Variants in CYFIP1 observed in about 807,000 individuals in gnomAD.
CYFIP1 encodes cytoplasmic FMR1-interacting protein 1.
A neutral mutation model predicts 163.5 loss-of-function variants in CYFIP1; 58 were observed. That is an observed-to-expected ratio of 0.35 (90% CI 0.29 to 0.44). CYFIP1 has a LOEUF of 0.44. CYFIP1 is among the 20% of genes least tolerant of loss of function. The pLI is 1.00. For missense variants in CYFIP1, 1,338 were observed against 1,653.8 expected, an observed-to-expected ratio of 0.81 and a Z score of 3.31; for synonymous variants, 663 against 660.7, an observed-to-expected ratio of 1.00 and a Z score of -0.05.
At chr15:22,893,300 G>T (rs2060131800) in intron 22 of CYFIP1, among the ~76,000 whole-genome samples, 1 of 152,152 alleles carries the variant, frequency 6.6e-6, no homozygotes, top group Non-Finnish European at 1.5e-5. Flanking sequence ...AGGACGGTGG[G>T]GCAGCTGCCT....
chr15:22,960,948 G>A (rs1352085016), intron 1 of CYFIP1, among the ~76,000 whole-genome samples: 1 of 151,674 alleles, frequency 6.6e-6, no homozygotes, highest in South Asian at 2.1e-4. Context: ...AGAATCCAGG[G>A]GTCACTTCTG....
chr15:22,926,233 C>T lies in CYFIP1; in HGVS notation c.1234-126G>A, dbSNP rs1046766521. Reference sequence around the variant, plus strand: ...AACCTTTGCTGCATTCTGAAAGTCACACATGAGGGCGCACACACCGTCCAT... The same window carrying T: ...AACCTTTGCTGCATTCTGAAAGTCATACATGAGGGCGCACACACCGTCCAT... On this transcript the variant is annotated intron_variant, in intron 12 of 30. Coordinates refer to ENST00000617928, the MANE Select transcript of CYFIP1 (RefSeq NM_014608.6). 1.6e-5 allele frequency: 22 copies of T among 1,358,782 alleles called. No homozygotes were observed. The Middle Eastern group carries it at 8.7e-4, about 53-fold the overall frequency. The allele number at this position is 1,358,782 out of a possible 1,614,324, so 84.2% of individuals were successfully genotyped here. A position where few individuals can be genotyped will look rare whatever the true frequency, so the allele number is the denominator to read the frequency against.
chr15:22,878,607 T>C (rs531879752), intron 26 of CYFIP1, among the ~76,000 whole-genome samples: 1 of 150,994 alleles, frequency 6.6e-6, no homozygotes, highest in South Asian at 2.1e-4. Flanking sequence ...AGGAATGTCT[T>C]CATGACCCCA....
chr15:22,896,914 TAA>T (rs2060254437), intron 22 of CYFIP1, among the ~76,000 whole-genome samples: 1 of 151,674 alleles, frequency 6.6e-6, no homozygotes, highest in South Asian at 2.1e-4. Flanking sequence ...TACTGTCTTT[TAA>T]AGAGTGTTGG....
intron 1 of CYFIP1, among the ~76,000 whole-genome samples, chr15:22,966,908 A>AG (rs771513788): frequency 3.3e-5 from 5 of 152,140 alleles, no homozygotes; most frequent in Non-Finnish European, 7.4e-5. Context: ...AGCAACAGCC[A>AG]GAACAGACAG....
At chr15:22,879,186 T>C (rs1897786) in intron 26 of CYFIP1, among the ~76,000 whole-genome samples, 32,294 of 151,004 alleles carry the variant, frequency 0.21, 3,880 homozygotes, top group East Asian at 0.36. Flanking sequence ...CAATGGGGCA[T>C]TTCACAGGAA....
chr15:22,917,170 C>T lies in CYFIP1; in HGVS notation c.1675-540G>A. On this transcript the variant is annotated intron_variant, in intron 15 of 30. Coordinates refer to ENST00000617928, the MANE Select transcript of CYFIP1 (RefSeq NM_014608.6). This position sits in a 1 kb window ranked among gnomAD's most constrained non-coding sequence, Gnocchi z 4.2. ...CCACGCACAGGCCGAGGGCCGTCCC[C>T]CTGACCCTCCTGCAGAGCCAGCAGC... 2.1e-6 allele frequency: 3 copies of T among 1,431,836 alleles called. No homozygotes were observed. The highest frequency in any genetic ancestry group is 2.7e-6 in the Non-Finnish European group (3 of 1,099,104). The allele number at this position is 1,431,836 out of a possible 1,614,324, so 88.7% of individuals were successfully genotyped here.
chr15:22,904,202 C>T (rs1302875945), intron 21 of CYFIP1: 7 of 481,916 alleles, frequency 1.5e-5, no homozygotes, highest in Admixed American at 6.8e-5. Context: ...CACCCTTCCC[C>T]CCATGTGCCC....
chr15:22,966,230 T>C (rs917931774), intron 1 of CYFIP1, among the ~76,000 whole-genome samples: 4 of 151,488 alleles, frequency 2.6e-5, no homozygotes, highest in African/African-American at 9.7e-5. Flanking sequence ...GGCGTGGGCC[T>C]GTAATCCCAG....
chr15:22,957,615 G>A (rs7168839), intron 1 of CYFIP1, among the ~76,000 whole-genome samples: 110,221 of 151,632 alleles, frequency 0.73, 40,679 homozygotes, highest in East Asian at 0.86. Flanking sequence ...CAGCCTGGGC[G>A]ACAGAGCAAG....
chr15:22,874,960 A>C lies in CYFIP1; in HGVS notation c.3115+239T>G, dbSNP rs1474249169. 6.6e-6 allele frequency among the ~76,000 whole-genome samples: 1 copy of C among 151,680 alleles called. No individual in the cohort carries two copies. Among genetic ancestry groups the C allele is most frequent in the Non-Finnish European group, 1.5e-5 (1 of 67,918 alleles). ...GGCCACTCTGCTTCTTATATACCCA[A>C]CTCCCCCTGCTCCCATGCTATTGAT... On this transcript the variant is annotated intron_variant, in intron 27 of 30. Coordinates refer to ENST00000617928, the MANE Select transcript of CYFIP1 (RefSeq NM_014608.6).
chr15:22,880,711 TCAGCAGAC>T (rs1267162991), intron 25 of CYFIP1, among the ~76,000 whole-genome samples: 1 of 152,146 alleles, frequency 6.6e-6, no homozygotes, highest in Non-Finnish European at 1.5e-5. Context: ...AGCGGGAGGC[TCAGCAGAC>T]CTTAAACCCT....
intron 21 of CYFIP1, chr15:22,904,330 G>A (rs1213283094): frequency 3.9e-6 from 1 of 254,544 alleles, no homozygotes; most frequent in African/African-American, 2.2e-5. Flanking sequence ...ACGTGTGGGT[G>A]GCAGGGCAGG....
chr15:22,954,489 G>A (rs1210224711), intron 1 of CYFIP1, among the ~76,000 whole-genome samples: 1 of 152,192 alleles, frequency 6.6e-6, no homozygotes, highest in Non-Finnish European at 1.5e-5. Context: ...CACACTGCTG[G>A]GAACAAAACA....
At chr15:22,885,189 C>T (rs2059896880) in intron 23 of CYFIP1, among the ~76,000 whole-genome samples, 1 of 152,196 alleles carries the variant, frequency 6.6e-6, no homozygotes, top group African/African-American at 2.4e-5. Context: ...TTTTCCATCA[C>T]ATCCTCAGGC....
In CYFIP1 at chr15:22,931,685, T is replaced by TGAA. The variant is rs1555413341; in HGVS notation, c.1110+535_1110+537dup. Among the ~76,000 whole-genome samples the TGAA allele has an allele frequency of 1.2e-3, 36 of 30,714 alleles. 1 individual carries two copies. Among genetic ancestry groups the TGAA allele is most frequent in the African/African-American group, 7.5e-3 (33 of 4,402 alleles). 20.1% of individuals were successfully genotyped at this position (30,714 alleles called of 152,430 possible). On this transcript the variant is annotated intron_variant, in intron 11 of 30. Transcript: ENST00000617928. ...TCTTGGGATCCCTATAATGTTTTTC[T>TGAA]GAAAAAAAAAAAAAAAAAAAAAAAA...
intron 15 of CYFIP1, 158 bp from the exon 16 acceptor site, chr15:22,916,788 G>T (rs369609767): frequency 6.3e-7 from 1 of 1,585,230 alleles, no homozygotes; most frequent in Non-Finnish European, 8.6e-7. Context: ...CTGTCTACGC[G>T]GCCACGTTGC....
intron 1 of CYFIP1, among the ~76,000 whole-genome samples, chr15:22,948,446 A>T (rs1259871956): frequency 6.6e-6 from 1 of 152,192 alleles, no homozygotes; most frequent in Non-Finnish European, 1.5e-5. Context: ...ACCACAGCCC[A>T]AGTCTCCTCA....
intron 1 of CYFIP1, among the ~76,000 whole-genome samples, chr15:22,954,644 G>A (rs922057848): frequency 3.3e-5 from 5 of 152,122 alleles, no homozygotes; most frequent in African/African-American, 1.2e-4. Context: ...AACATAAAGA[G>A]ATGTTTTTTC....
Sources: allele counts gnomAD v4.1 joint callset (sites outside exome capture counted in the v4.1 genomes callset), GRCh38; gene constraint gnomAD v4.1.1; non-coding constraint Gnocchi (gnomAD v3.1); transcripts MANE v1.5; gene names NCBI Gene and HGNC (gene_info 2026-07-23, HGNC 2026-07-21).